Variants in ANK2 observed in about 807,000 individuals in gnomAD.
ANK2 encodes the protein ankyrin 2.
In ANK2, 83 loss-of-function variants were observed where a neutral mutation model predicts 360.5. The ratio of observed to expected loss-of-function variants is 0.23; its 90% CI spans 0.19 to 0.28. The LOEUF is 0.28. ANK2 is among the 10% of genes least tolerant of loss of function. The probability of loss-of-function intolerance (pLI) is 1.00; values close to 1 mark genes in which losing one functional copy is unlikely to be tolerated. For synonymous variants in ANK2, 1,740 were observed against 1,759.5 expected (o/e 0.99, Z 0.28); for missense variants, 4,201 against 4,795.7 (o/e 0.88, Z 3.66).
chr4:113,124,747 C>A (rs1331710304), intron 1 of ANK2, among the ~76,000 whole-genome samples: 1 of 152,018 alleles, frequency 6.6e-6, no homozygotes, highest in African/African-American at 2.4e-5. Flanking sequence ...TAGCCTTTTT[C>A]TAGAGAAATT....
chr4:112,796,418 C>T, the ANK2 span, among the ~76,000 whole-genome samples: 11 of 149,670 alleles, frequency 7.3e-5, no homozygotes, highest in South Asian at 4.3e-4. Context: ...AGCGAAACTC[C>T]GTCTCAAAAA....
intron 16 of ANK2, 77 bp from the exon 17 acceptor site, chr4:113,278,383 G>A: frequency 8.2e-7 from 1 of 1,226,596 alleles, no homozygotes; most frequent in Non-Finnish European, 1.2e-6. Context: ...ATCAATATCA[G>A]TTTCCAGGCA....
intron 2 of ANK2, among the ~76,000 whole-genome samples, chr4:113,036,524 T>C (rs1384543037): frequency 6.6e-6 from 1 of 151,726 alleles, no homozygotes; most frequent in African/African-American, 2.4e-5. Context: ...CAGATAATCT[T>C]CCAAATGTTT....
chr4:112,741,818 A>AAAACAAAC, the ANK2 span, among the ~76,000 whole-genome samples: 1 of 152,096 alleles, frequency 6.6e-6, no homozygotes, highest in Non-Finnish European at 1.5e-5. Context: ...CCGTTTCTTA[A>AAAACAAAC]AAACAAACAA....
In ANK2 at chr4:113,360,826, C is replaced by T. The variant is rs779374859; in HGVS notation, c.10685C>T (p.Pro3562Leu). The change falls in exon 39 of 46, where the codon CCA becomes CTA. Residue 3562 changes from proline (P) to leucine (L), a missense_variant. By Grantham distance (98) the Pro-to-Leu change is moderately conservative (BLOSUM62 -3). Coordinates refer to ENST00000357077, the MANE Select transcript of ANK2 (RefSeq NM_001148.6). ...TTCTGTTTTTGACCTTCTCCAGATC[C>T]ACAGGATGAGCAGGAACGGATCGAG... ...DENGHDHAED[P>L]QDEQERIEER... 3.7e-6 allele frequency: 6 copies of T among 1,612,334 alleles called. No homozygotes were observed. Among genetic ancestry groups the T allele is most frequent in the Non-Finnish European group, 5.1e-6 (6 of 1,179,116 alleles).
the ANK2 span, chr4:112,788,568 G>C: frequency 4.5e-5 from 72 of 1,586,088 alleles, no homozygotes; most frequent in Middle Eastern, 8.9e-4. Context: ...CTTTGTCTCT[G>C]GTCTGTACTT....
chr4:112,857,839 G>A (rs1227437256), intron 1 of ANK2, among the ~76,000 whole-genome samples: 1 of 152,094 alleles, frequency 6.6e-6, no homozygotes, highest in Admixed American at 6.5e-5. Flanking sequence ...TAACATGCAG[G>A]TTCTGATTCA....
chr4:113,092,189 G>A (rs969196550), intron 1 of ANK2, among the ~76,000 whole-genome samples: 11 of 152,146 alleles, frequency 7.2e-5, no homozygotes, highest in Non-Finnish European at 2.9e-5. Flanking sequence ...AAATTACGGT[G>A]AGACTATTTG....
chr4:113,255,447 A>G (rs2048771449), intron 10 of ANK2, among the ~76,000 whole-genome samples: 1 of 152,190 alleles, frequency 6.6e-6, no homozygotes, highest in African/African-American at 2.4e-5. Context: ...TCTGTATTTA[A>G]TATTGCCCTA....
At chr4:113,132,911 A>G (rs2096145041) in intron 1 of ANK2, among the ~76,000 whole-genome samples, 2 of 152,144 alleles carry the variant, frequency 1.3e-5, no homozygotes, top group Non-Finnish European at 1.5e-5. Flanking sequence ...GGAAAGAAAA[A>G]TGTTGTGATG....
At chr4:112,997,199 C>T (rs1261291145) in intron 2 of ANK2, among the ~76,000 whole-genome samples, 1 of 152,020 alleles carries the variant, frequency 6.6e-6, no homozygotes, top group Non-Finnish European at 1.5e-5. Context: ...TGTGGAATGG[C>T]TAAATCAAGC....
At chr4:112,771,345 C>G in the ANK2 span, among the ~76,000 whole-genome samples, 5 of 148,828 alleles carry the variant, frequency 3.4e-5, no homozygotes, top group African/African-American at 1.2e-4. Flanking sequence ...CTCGAACCCC[C>G]GATCTCAGGT....
At chr4:113,088,606 A>T (rs2086089093) in intron 1 of ANK2, among the ~76,000 whole-genome samples, 2 of 152,036 alleles carry the variant, frequency 1.3e-5, no homozygotes, top group African/African-American at 4.8e-5. Context: ...TTTCTTTTAC[A>T]AAATGTTATT....
At chr4:112,858,681 A>G (rs2067065165) in intron 1 of ANK2, among the ~76,000 whole-genome samples, 1 of 152,260 alleles carries the variant, frequency 6.6e-6, no homozygotes, top group Non-Finnish European at 1.5e-5. Flanking sequence ...TTGCTGTCAC[A>G]TCTTTGAGGA....
chr4:113,024,475 CAT>C (rs1407473734), intron 2 of ANK2, among the ~76,000 whole-genome samples: 7 of 152,120 alleles, frequency 4.6e-5, no homozygotes, highest in African/African-American at 4.8e-5. Context: ...AAAATAAACA[CAT>C]GAGACACTAT....
chr4:112,989,086 C>T (rs2045890643), intron 2 of ANK2, among the ~76,000 whole-genome samples: 1 of 152,300 alleles, frequency 6.6e-6, no homozygotes, highest in South Asian at 2.1e-4. Flanking sequence ...GGTAATTCTA[C>T]ACTTGATCTT....
At chr4:112,927,427 G>C (rs2092704057) in intron 2 of ANK2, among the ~76,000 whole-genome samples, 5 of 152,130 alleles carry the variant, frequency 3.3e-5, no homozygotes, top group Admixed American at 3.3e-4. Flanking sequence ...TTCTATATCT[G>C]TTGCTCTTTC....
chr4:112,791,476 C>CTTTTTT, the ANK2 span, among the ~76,000 whole-genome samples: 1 of 98,276 alleles, frequency 1.0e-5, no homozygotes, highest in Non-Finnish European at 1.9e-5. Flanking sequence ...TCTTCTTCTT[C>CTTTTTT]TTCTTTTTTT....
chr4:112,788,555 T>C, the ANK2 span: 1 of 1,588,144 alleles, frequency 6.3e-7, no homozygotes, highest in Admixed American at 1.7e-5. Context: ...CCTTCTTCTC[T>C]TGCTTTGTCT....
Sources: allele counts gnomAD v4.1 joint callset (sites outside exome capture counted in the v4.1 genomes callset), GRCh38; gene constraint gnomAD v4.1.1; transcripts MANE v1.5; gene names NCBI Gene and HGNC (gene_info 2026-07-23, HGNC 2026-07-21).